PTPRK: variants seen among roughly 807,000 people sequenced by gnomAD.
The protein encoded by PTPRK is protein tyrosine phosphatase receptor type K, also known as receptor-type tyrosine-protein phosphatase kappa.
PTPRK carries 75 observed loss-of-function variants against 178.0 expected under a neutral mutation model. The observed-to-expected ratio is 0.42, with a 90% confidence interval of 0.35 to 0.51. The LOEUF (loss-of-function observed/expected upper bound fraction) is 0.51. Among genes scored for constraint, PTPRK ranks in the 20% least tolerant of loss-of-function variants. The pLI is 0.02. For missense variants in PTPRK, 1,441 were observed against 1,797.8 expected (o/e 0.80, Z 3.59); for synonymous variants, 637 against 620.6 (o/e 1.03, Z -0.39).
At chr6:128,385,126 G>T (rs1236530915) in intron 2 of PTPRK, among the ~76,000 whole-genome samples, 2 of 149,106 alleles carry the variant, frequency 1.3e-5, no homozygotes, top group Non-Finnish European at 3.0e-5. Context: ...TAAAATACTG[G>T]TATTATTCCT....
rs372926900 is a variant in PTPRK, at chr6:128,236,903, G to A, written c.693+3132C>T. On this transcript the variant is annotated intron_variant, in intron 5 of 29. Transcript: ENST00000368226. Reference sequence around the variant, plus strand: ...GATACTTTCAGAACTACCATGATATGCATTATGAAATTATCCTAGATTAAC... The same window carrying A: ...GATACTTTCAGAACTACCATGATATACATTATGAAATTATCCTAGATTAAC... Among the ~76,000 whole-genome samples the A allele has an allele frequency of 3.3e-5, 5 of 152,022 alleles. No individual in the cohort carries two copies. In the South Asian group the frequency reaches 6.2e-4, roughly 19 times the overall value.
chr6:128,475,170 G>C (rs1851218567), intron 1 of PTPRK, among the ~76,000 whole-genome samples: 1 of 152,036 alleles, frequency 6.6e-6, no homozygotes. Context: ...CTTGGGCCAG[G>C]TATTTATTTT....
intron 7 of PTPRK, among the ~76,000 whole-genome samples, chr6:128,103,020 C>CT (rs1789047565): frequency 6.6e-6 from 1 of 152,152 alleles, no homozygotes; most frequent in South Asian, 2.1e-4. Context: ...CAAATGTTGC[C>CT]TTTTGGCCTG....
chr6:128,217,534 T>C (rs1024810491), intron 6 of PTPRK, among the ~76,000 whole-genome samples: 1 of 152,210 alleles, frequency 6.6e-6, no homozygotes, highest in African/African-American at 2.4e-5. Flanking sequence ...CTGGGTAAAT[T>C]ATCATAAAGT....
chr6:128,066,509 T>TC (rs34315058), intron 12 of PTPRK, among the ~76,000 whole-genome samples: 123,111 of 151,988 alleles, frequency 0.81, 50,809 homozygotes, highest in East Asian at 0.99. Context: ...ATTAAACTCT[T>TC]TAAGATATAA....
intron 6 of PTPRK, among the ~76,000 whole-genome samples, chr6:128,187,916 T>C (rs1350318157): frequency 1.3e-5 from 2 of 152,192 alleles, no homozygotes; most frequent in African/African-American, 4.8e-5. Context: ...ATGTATTTTG[T>C]TTTCAGGCCC....
intron 5 of PTPRK, among the ~76,000 whole-genome samples, chr6:128,231,777 CA>C (rs1812340490): frequency 6.6e-6 from 1 of 152,078 alleles, no homozygotes; most frequent in South Asian, 2.1e-4. Flanking sequence ...AAATGCGCTC[CA>C]AAACTAGAAA....
At chr6:128,203,467 A>C (rs527268223) in intron 6 of PTPRK, among the ~76,000 whole-genome samples, 1 of 152,348 alleles carries the variant, frequency 6.6e-6, no homozygotes, top group South Asian at 2.1e-4. Context: ...GTATTTGAAT[A>C]GGAAGAGAGG....
At chr6:128,069,426 G>A (rs111372333) in intron 11 of PTPRK, among the ~76,000 whole-genome samples, 2,741 of 152,202 alleles carry the variant, frequency 0.018, 88 homozygotes, top group African/African-American at 0.063. Flanking sequence ...CCATGGAGCA[G>A]GCATTTGTCA....
chr6:128,179,568 T>G (rs1049715285), intron 7 of PTPRK, among the ~76,000 whole-genome samples: 3 of 151,908 alleles, frequency 2.0e-5, no homozygotes, highest in African/African-American at 4.8e-5. Flanking sequence ...GCTCATACAT[T>G]TCAAAAAAAT....
At chr6:128,064,040 T>G (rs1649874940) in intron 13 of PTPRK, among the ~76,000 whole-genome samples, 1 of 152,224 alleles carries the variant, frequency 6.6e-6, no homozygotes, top group Non-Finnish European at 1.5e-5. Context: ...TTTCTCTTGC[T>G]AGAATACACC....
intron 2 of PTPRK, among the ~76,000 whole-genome samples, chr6:128,394,390 A>C (rs566167645): frequency 6.6e-6 from 1 of 152,288 alleles, no homozygotes; most frequent in African/African-American, 2.4e-5. Flanking sequence ...TATACCCAAG[A>C]ATGGATTTGC....
At chr6:128,506,637 T>G (rs1585009887) in intron 1 of PTPRK, among the ~76,000 whole-genome samples, 2 of 141,494 alleles carry the variant, frequency 1.4e-5, no homozygotes, top group Admixed American at 7.0e-5. Context: ...TCCAGTCTGG[T>G]TGACAGAGTA....
chr6:128,364,185 T>C (rs1463088936), intron 2 of PTPRK, among the ~76,000 whole-genome samples: 1 of 152,068 alleles, frequency 6.6e-6, no homozygotes, highest in Non-Finnish European at 1.5e-5. Context: ...TGAAAACTTT[T>C]TTTTATCCCT....
At chr6:128,496,648 G>A (rs1182519161) in intron 1 of PTPRK, among the ~76,000 whole-genome samples, 1 of 152,098 alleles carries the variant, frequency 6.6e-6, no homozygotes, top group African/African-American at 2.4e-5. Context: ...CTTTCAGTTT[G>A]ATCATTAGTA....
chr6:128,159,099 A>G (rs1489407047), intron 7 of PTPRK, among the ~76,000 whole-genome samples: 1 of 151,872 alleles, frequency 6.6e-6, no homozygotes, highest in Non-Finnish European at 1.5e-5. Flanking sequence ...GTGACAAGAG[A>G]CAGTACAGAA....
At chr6:127,974,529 C>G (rs1358399617) in intron 27 of PTPRK, among the ~76,000 whole-genome samples, 1 of 152,182 alleles carries the variant, frequency 6.6e-6, no homozygotes, top group South Asian at 2.1e-4. Flanking sequence ...GGTCTTAGCA[C>G]TGAAGGCTGT....
intron 3 of PTPRK, among the ~76,000 whole-genome samples, chr6:128,265,588 T>C (rs1818823588): frequency 6.6e-6 from 1 of 152,112 alleles, no homozygotes; most frequent in Admixed American, 6.6e-5. Flanking sequence ...CTAACCCAGA[T>C]AGTCTGGTGC....
chr6:128,290,959 G>C (rs4466261), intron 3 of PTPRK, among the ~76,000 whole-genome samples: 20,174 of 151,784 alleles, frequency 0.13, 2,161 homozygotes, highest in African/African-American at 0.3. Flanking sequence ...AATAAGGAAA[G>C]AAATTAAAAG....
Sources: allele counts gnomAD v4.1 joint callset (sites outside exome capture counted in the v4.1 genomes callset), GRCh38; gene constraint gnomAD v4.1.1; transcripts MANE v1.5; gene names NCBI Gene and HGNC (gene_info 2026-07-23, HGNC 2026-07-21).